VPS33B: variants seen among roughly 807,000 people sequenced by gnomAD.
VPS33B encodes vacuolar protein sorting-associated protein 33B.
In VPS33B, 80 loss-of-function variants were observed where a neutral mutation model predicts 95.3. That is an observed-to-expected ratio of 0.84 (90% CI 0.70 to 1.01). The LOEUF (loss-of-function observed/expected upper bound fraction) is 1.01. VPS33B is among the 50% of genes least tolerant of loss of function. The pLI, the probability that VPS33B is intolerant of heterozygous loss-of-function variation, is 0.00. For synonymous variants in VPS33B, 280 were observed against 280.4 expected, an observed-to-expected ratio of 1.00 and a Z score of 0.01; for missense variants, 715 against 773.4, an observed-to-expected ratio of 0.92 and a Z score of 0.90.
At position 91,015,293 on chromosome 15, in the gene VPS33B, G is replaced by A. The variant is rs556884611; in HGVS notation, c.240-860C>T. ...GGAGGTTACAGTGAGCCCAGATCGC[G>A]CCATTGCTCTCCAGCCTGGATGACA... On this transcript the variant is annotated intron_variant, in intron 3 of 22. Transcript: ENST00000333371. The surrounding 1 kb of genome is among the most constrained non-coding windows in gnomAD (Gnocchi z 4.7). Among the ~76,000 whole-genome samples the A allele has an allele frequency of 2.0e-5, 3 of 152,074 alleles. No homozygotes were observed. The highest frequency in any genetic ancestry group is 4.1e-4 in the South Asian group (2 of 4,826).
At chr15:91,008,371 TCTC>T (rs1387155223) in intron 6 of VPS33B, among the ~76,000 whole-genome samples, 2 of 152,128 alleles carry the variant, frequency 1.3e-5, no homozygotes, top group Non-Finnish European at 2.9e-5. Context: ...TTCAAGCAAT[TCTC>T]CTGCCTCAGC....
At position 91,002,646 on chromosome 15, in the gene VPS33B, A is replaced by AG. The variant is rs982994743; in HGVS notation, c.1272+438_1272+439insC. Among the ~76,000 whole-genome samples, 4 of 151,606 alleles carry AG rather than the reference A, an allele frequency of 2.6e-5. No individual in the cohort carries two copies. Among genetic ancestry groups the AG allele is most frequent in the African/African-American group, 9.7e-5 (4 of 41,188 alleles). On this transcript the variant is annotated intron_variant, in intron 17 of 22. Coordinates refer to ENST00000333371, the MANE Select transcript of VPS33B (RefSeq NM_018668.5). The surrounding 1 kb of genome is among the most constrained non-coding windows in gnomAD (Gnocchi z 4.7). The stretch of plus-strand genomic sequence containing the variant: ...CATCGTCTCGAAATAAAAAAAAAAA[A>AG]AAAAAGAAAAGAAATAATTAGCACC...
intron 4 of VPS33B, 117 bp downstream of exon 4, chr15:91,014,267 A>C: frequency 3.0e-6 from 3 of 1,008,400 alleles, no homozygotes; most frequent in Non-Finnish European, 4.7e-6. Context: ...GACATCCTCC[A>C]CAAGTGCTAC....
In VPS33B at chr15:91,022,566, C is replaced by G; in HGVS notation, c.-317G>C. The G allele has an allele frequency of 4.0e-6, 1 of 248,112 alleles. No homozygotes were observed. Among genetic ancestry groups the G allele is most frequent in the Non-Finnish European group, 7.6e-6 (1 of 130,994 alleles). The allele number at this position is 248,112 out of a possible 1,614,324, so 15.4% of individuals were successfully genotyped here. ...ACTCCGCAGCGTACGAGGAGAACCC[C>G]GCCTTCTACCAGAAAAAGAAGCGAC... On this transcript the variant is annotated 5_prime_UTR_variant, in exon 1 of 23. Coordinates refer to ENST00000333371, the MANE Select transcript of VPS33B (RefSeq NM_018668.5).
At position 91,009,695 on chromosome 15, in the gene VPS33B, A is replaced by G. The variant is rs1415470974; in HGVS notation, c.403+106T>C. The G allele has an allele frequency of 3.4e-6, 4 of 1,185,920 alleles. No homozygotes were observed. The East Asian group carries it at 1.1e-4, about 33-fold the overall frequency. The allele number at this position is 1,185,920 out of a possible 1,614,324, so 73.5% of individuals were successfully genotyped here. ...ACACTAACAGGAATAAGACCAGGAA[A>G]AGAAGGAGCTGGTGGTGGGGGTGGG... On this transcript the variant is annotated intron_variant, in intron 6 of 22. Transcript: ENST00000333371. The surrounding 1 kb of genome is among the most constrained non-coding windows in gnomAD (Gnocchi z 4.1).
At position 91,000,495 on chromosome 15, in the gene VPS33B, C is replaced by G. The variant is rs2040406148; in HGVS notation, c.1576G>C (p.Glu526Gln). Residue 526 changes from glutamate (E) to glutamine (Q), a missense_variant, in exon 20 of 23, where the codon GAG (glutamate) becomes CAG (glutamine). Coordinates refer to ENST00000333371, the MANE Select transcript of VPS33B (RefSeq NM_018668.5). The surrounding 1 kb of genome is among the most constrained non-coding windows in gnomAD (Gnocchi z 4.9). ...CAAGAATTACATGCTCTCACCTGCT[C>G]AATGATTCGGCAGCTCAGGGGCACA... The part of the protein sequence containing the change: ...AYVPLSCRII[E>Q]QVLERRSWQG... 3 of 1,612,574 alleles carry G rather than the reference C, an allele frequency of 1.9e-6. No homozygotes were observed. In the South Asian group the frequency reaches 3.3e-5, roughly 18 times the overall value.
intron 19 of VPS33B, chr15:91,001,038 G>A: frequency 5.5e-6 from 2 of 362,200 alleles, no homozygotes; most frequent in South Asian, 4.7e-5. Flanking sequence ...ACAATGGGCT[G>A]GGCGCAGTGG....
intron 16 of VPS33B, 121 bp from the exon 17 acceptor site, chr15:91,003,252 C>G: frequency 1.0e-6 from 1 of 982,722 alleles, no homozygotes; most frequent in Non-Finnish European, 1.6e-6. Context: ...AAATGTTAAC[C>G]CTGCAGAGTA....
At chr15:91,016,911 C>G (rs1277249247) in intron 3 of VPS33B, 52 bp downstream of exon 3, 1 of 1,575,056 alleles carries the variant, frequency 6.3e-7, no homozygotes, top group East Asian at 2.2e-5. Context: ...CAGACGTGCC[C>G]CTAGGGACCT....
Position 91,005,681 on chromosome 15 carries a change from A to G in VPS33B, c.1030+13T>C, listed in dbSNP as rs769737638. On this transcript the variant is annotated intron_variant, in intron 13 of 22. Coordinates refer to ENST00000333371, the MANE Select transcript of VPS33B (RefSeq NM_018668.5). The surrounding 1 kb of genome is among the most constrained non-coding windows in gnomAD (Gnocchi z 6.4). Reference sequence around the variant, plus strand: ...CAGTCACTTCCCCTCACGCCCCTCAAGCTGAAACCTACGGAGACTCAGCAG... The same window carrying G: ...CAGTCACTTCCCCTCACGCCCCTCAGGCTGAAACCTACGGAGACTCAGCAG... The G allele has an allele frequency of 1.2e-6, 2 of 1,613,954 alleles. No homozygotes were observed. Among genetic ancestry groups the G allele is most frequent in the Non-Finnish European group, 1.7e-6 (2 of 1,179,990 alleles).
At chr15:91,014,035 T>C (rs1249092886) in intron 4 of VPS33B, among the ~76,000 whole-genome samples, 164 bp from the exon 5 acceptor site, 1 of 151,902 alleles carries the variant, frequency 6.6e-6, no homozygotes, top group Non-Finnish European at 1.5e-5. Flanking sequence ...CTGGCCAACA[T>C]GGTGAAACTC....
In VPS33B at chr15:91,022,166, A is replaced by C; in HGVS notation, c.84T>G (p.Tyr28Ter). Residue 28 changes from tyrosine to a stop codon, truncating the protein, a stop_gained, in exon 1 of 23, where the codon TAT (tyrosine) becomes TAG (stop). Coordinates refer to ENST00000333371, the MANE Select transcript of VPS33B (RefSeq NM_018668.5). LOFTEE classifies it high-confidence loss of function. The part of the protein sequence containing the change: ...LKRLARDQLI[Y>*]LLEQLPGKKD... ...GGCAAGCACTGACCTGCTCCAGCAGATAGATGAGCTGGTCTCGAGCCAGCC... is the reference window on the plus strand; with the variant it reads ...GGCAAGCACTGACCTGCTCCAGCAGCTAGATGAGCTGGTCTCGAGCCAGCC... 6.4e-7 allele frequency: 1 copy of C among 1,565,284 alleles called. No individual in the cohort carries two copies. The highest frequency in any genetic ancestry group is 8.7e-7 in the Non-Finnish European group (1 of 1,153,826).
At position 91,003,173 on chromosome 15, in the gene VPS33B, C is replaced by T. The variant is rs190383720; in HGVS notation, c.1226-42G>A. On this transcript the variant is annotated intron_variant, in intron 16 of 22. Transcript: ENST00000333371. ...TAAGACAGGTGCATGAGAAAGAGGC[C>T]GGCAGAGGCACCCTAAAATGTACAG... is the stretch of plus-strand genomic sequence containing the variant. 5.6e-6 allele frequency: 9 copies of T among 1,602,564 alleles called. No homozygotes were observed. In the Admixed American group the frequency reaches 6.7e-5, roughly 12 times the overall value.
intron 3 of VPS33B, among the ~76,000 whole-genome samples, chr15:91,016,118 G>A (rs755702748): frequency 2.0e-5 from 3 of 152,058 alleles, no homozygotes; most frequent in Non-Finnish European, 4.4e-5. Flanking sequence ...GGAGGTGGCC[G>A]GGCTCTGAAG....
At position 91,009,955 on chromosome 15, in the gene VPS33B, G is replaced by T; in HGVS notation, c.358-109C>A. Reference sequence around the variant, plus strand: ...GAGGACAATAATTGCCGAACCCAGTGAAAGACAAGAGAACCCAGACTCTTA... The same window carrying T: ...GAGGACAATAATTGCCGAACCCAGTTAAAGACAAGAGAACCCAGACTCTTA... On this transcript the variant is annotated intron_variant, in intron 5 of 22. Transcript: ENST00000333371. The surrounding 1 kb of genome is among the most constrained non-coding windows in gnomAD (Gnocchi z 4.1). The T allele has an allele frequency of 1.6e-6, 2 of 1,255,362 alleles. No individual in the cohort carries two copies. The highest frequency in any genetic ancestry group is 2.3e-6 in the Non-Finnish European group (2 of 863,780). 77.8% of individuals were successfully genotyped at this position (1,255,362 alleles called of 1,614,324 possible).
rs982485127 is a variant in VPS33B, at chr15:91,009,545, G to C, written c.403+256C>G. Among the ~76,000 whole-genome samples the C allele has an allele frequency of 9.9e-5, 15 of 152,050 alleles. No individual in the cohort carries two copies. Among genetic ancestry groups the C allele is most frequent in the South Asian group, 2.1e-4 (1 of 4,828 alleles). On this transcript the variant is annotated intron_variant, in intron 6 of 22. Transcript: ENST00000333371. The surrounding 1 kb of genome is among the most constrained non-coding windows in gnomAD (Gnocchi z 4.1). ...TGGACTCAAACTCCTGACCTCAGGT[G>C]ATCCACCCCCTCGGCCTCCCAAAGT... is the stretch of plus-strand genomic sequence containing the variant.
At chr15:91,021,052 A>C (rs2041087563) in intron 1 of VPS33B, among the ~76,000 whole-genome samples, 1 of 151,550 alleles carries the variant, frequency 6.6e-6, no homozygotes. Context: ...CCCCATCCAA[A>C]CCCAAACAAA....
rs764711006 is a variant in VPS33B at position 91,017,873 on chromosome 15, T to G, written c.109A>C (p.Lys37Gln). ...IYLLEQLPGK[K>Q]DLFIEADLMS... ...AGATCTGCCTCAATGAATAAATCCT[T>G]TTTTCCAGGAAGCTGAAGGAGACAC... The change falls in exon 2 of 23, where the codon AAG becomes CAG. Residue 37 changes from lysine to glutamine, a missense_variant. Lys to Gln is a moderately conservative substitution (Grantham distance 53). Transcript: ENST00000333371. The G allele has an allele frequency of 5.6e-6, 9 of 1,613,906 alleles. No individual in the cohort carries two copies. Among genetic ancestry groups the G allele is most frequent in the Non-Finnish European group, 7.6e-6 (9 of 1,179,974 alleles).
intron 2 of VPS33B, among the ~76,000 whole-genome samples, chr15:91,017,365 T>TTTAAAAAAAAAAAAAAAAAAAAAAAA (rs1555460460): frequency 1.2e-4 from 2 of 16,998 alleles, no homozygotes; most frequent in South Asian, 3.5e-3. Context: ...TCTACAAAAT[T>TTTAAAAAAAAAAAAAAAAAAAAAAAA]AAATATATAT....
Sources: gnomAD v4.1 joint callset for allele counts (sites outside exome capture counted in the v4.1 genomes callset) on GRCh38, gnomAD v4.1.1 for gene constraint, Gnocchi (gnomAD v3.1) non-coding constraint, MANE v1.5 for transcripts, NCBI Gene and HGNC (gene_info 2026-07-23, HGNC 2026-07-21) for gene names.